The following ARID5B variants were observed in gnomAD, a reference collection of about 807,000 sequenced individuals.
The protein encoded by ARID5B is AT-rich interactive domain-containing protein 5B.
In ARID5B, 13 loss-of-function variants were observed where a neutral mutation model predicts 97.2. The observed-to-expected ratio is 0.13, with a 90% CI of 0.09 to 0.21. The LOEUF (loss-of-function observed/expected upper bound fraction) is 0.21. Ranked by LOEUF, ARID5B falls within the 10% of genes least tolerant of loss-of-function variation. The probability of loss-of-function intolerance (pLI) is 1.00; values close to 1 mark genes in which losing one functional copy is unlikely to be tolerated. For synonymous variants in ARID5B, 556 were observed against 570.3 expected, an observed-to-expected ratio of 0.97 and a Z score of 0.36; for missense variants, 1,210 against 1,465.3, an observed-to-expected ratio of 0.83 and a Z score of 2.84.
At chr10:61,908,558 A>G (rs1188906951) in intron 2 of ARID5B, among the ~76,000 whole-genome samples, 1 of 152,156 alleles carries the variant, frequency 6.6e-6, no homozygotes, top group Non-Finnish European at 1.5e-5. Context: ...CTGTAATCCC[A>G]GCACTTTGAG....
chr10:62,024,031 A>C (rs553285318), intron 4 of ARID5B, among the ~76,000 whole-genome samples: 1 of 152,284 alleles, frequency 6.6e-6, no homozygotes, highest in African/African-American at 2.4e-5. Flanking sequence ...TGATTTCCCT[A>C]GTTTTAAAAT....
Position 61,960,045 on chromosome 10 carries a change from A to G in ARID5B, c.502+19637A>G, listed in dbSNP as rs564155820. ...AACCATTATGCTGTGAAGAAGGAAA[A>G]CAAGGATGATGTGTGTCTACCCGCT... On this transcript the variant is annotated intron_variant, in intron 3 of 9. Transcript: ENST00000279873. Among the ~76,000 whole-genome samples the G allele has an allele frequency of 2.6e-5, 4 of 152,326 alleles. No individual in the cohort carries two copies. The East Asian group carries it at 7.7e-4, about 29-fold the overall frequency.
intron 3 of ARID5B, among the ~76,000 whole-genome samples, chr10:61,956,018 A>G (rs1389469158): frequency 6.6e-6 from 1 of 152,196 alleles, no homozygotes; most frequent in Admixed American, 6.5e-5. Context: ...TTTGTGAGAT[A>G]GTCCCATTAC....
intron 4 of ARID5B, among the ~76,000 whole-genome samples, chr10:62,044,384 T>C (rs1839679327): frequency 6.6e-6 from 1 of 151,050 alleles, no homozygotes; most frequent in Non-Finnish European, 1.5e-5. Context: ...TCTTTTTTTT[T>C]TTTTTTTTTT....
intron 3 of ARID5B, among the ~76,000 whole-genome samples, chr10:61,963,115 C>A (rs1838495191): frequency 6.6e-6 from 1 of 152,108 alleles, no homozygotes; most frequent in Non-Finnish European, 1.5e-5. Context: ...GAGATTAGTC[C>A]TCAATTTGTA....
At chr10:61,994,145 G>A (rs1838965209) in intron 3 of ARID5B, among the ~76,000 whole-genome samples, 1 of 152,040 alleles carries the variant, frequency 6.6e-6, no homozygotes, top group African/African-American at 2.4e-5. Flanking sequence ...AGAACTAAAG[G>A]GCAAAATACT....
intron 4 of ARID5B, among the ~76,000 whole-genome samples, chr10:62,045,073 G>A (rs763841294): frequency 1.2e-4 from 19 of 152,180 alleles, no homozygotes; most frequent in Non-Finnish European, 2.4e-4. Context: ...ACTTATTTAT[G>A]AATTTTTAAA....
At chr10:61,924,975 G>A (rs775833101) in intron 2 of ARID5B, among the ~76,000 whole-genome samples, 3 of 152,048 alleles carry the variant, frequency 2.0e-5, no homozygotes, top group African/African-American at 4.8e-5. Flanking sequence ...AAGCTGAGGC[G>A]GGTGGATCAC....
intron 4 of ARID5B, among the ~76,000 whole-genome samples, chr10:62,021,045 T>TATAC (rs904562748): frequency 7.8e-6 from 1 of 127,686 alleles, no homozygotes; most frequent in African/African-American, 4.0e-5. Flanking sequence ...TATATATATA[T>TATAC]ATATATATAT....
intron 3 of ARID5B, among the ~76,000 whole-genome samples, chr10:61,952,377 T>C (rs1173470816): frequency 7.2e-5 from 11 of 152,242 alleles, no homozygotes; most frequent in Admixed American, 6.5e-4. Context: ...TCTTATCACA[T>C]TTAGTGTCTC....
chr10:62,084,392 C>G (rs1192133340), intron 8 of ARID5B, among the ~76,000 whole-genome samples: 2 of 152,154 alleles, frequency 1.3e-5, no homozygotes, highest in Non-Finnish European at 2.9e-5. Flanking sequence ...TTTAGGATAG[C>G]AAACCAATAT....
chr10:62,013,481 T>A (rs1404866197), intron 4 of ARID5B, among the ~76,000 whole-genome samples: 1 of 152,186 alleles, frequency 6.6e-6, no homozygotes, highest in Non-Finnish European at 1.5e-5. Flanking sequence ...TAGCAATTTT[T>A]AAGAATACAT....
chr10:61,991,418 G>A (rs763670019), intron 3 of ARID5B, among the ~76,000 whole-genome samples: 6 of 152,094 alleles, frequency 3.9e-5, no homozygotes, highest in Admixed American at 1.3e-4. Context: ...ATATCTCACT[G>A]TGGTTTTGCT....
At chr10:62,009,176 G>A (rs1839184583) in intron 4 of ARID5B, among the ~76,000 whole-genome samples, 1 of 152,132 alleles carries the variant, frequency 6.6e-6, no homozygotes, top group Admixed American at 6.6e-5. Flanking sequence ...CCATCATCTG[G>A]GCTTTATGTT....
chr10:62,075,268 T>G (rs893301840), intron 8 of ARID5B, among the ~76,000 whole-genome samples: 1 of 152,234 alleles, frequency 6.6e-6, no homozygotes, highest in Non-Finnish European at 1.5e-5. Flanking sequence ...AGATATTTTT[T>G]TAATGTGAAA....
intron 3 of ARID5B, among the ~76,000 whole-genome samples, chr10:61,976,845 A>G (rs1467759612): frequency 7.3e-6 from 1 of 136,790 alleles, no homozygotes; most frequent in Non-Finnish European, 1.6e-5. Context: ...TTTGTGGGAG[A>G]GAAACTTTCT....
intron 4 of ARID5B, among the ~76,000 whole-genome samples, chr10:62,006,981 C>A (rs554658242): frequency 6.6e-6 from 1 of 152,122 alleles, no homozygotes; most frequent in East Asian, 1.9e-4. Context: ...TTTCACCTAG[C>A]ATTTCATCTA....
chr10:62,011,164 G>C (rs1024017726), intron 4 of ARID5B, among the ~76,000 whole-genome samples: 7 of 152,076 alleles, frequency 4.6e-5, no homozygotes, highest in Non-Finnish European at 1.0e-4. Flanking sequence ...ATAACACACA[G>C]GATTCAGCAG....
intron 8 of ARID5B, among the ~76,000 whole-genome samples, chr10:62,070,285 C>T (rs998194097): frequency 1.3e-5 from 2 of 152,174 alleles, no homozygotes; most frequent in African/African-American, 4.8e-5. Context: ...TCTTACCAAG[C>T]TCTGTGTGGC....
Sources: allele counts gnomAD v4.1 joint callset (sites outside exome capture counted in the v4.1 genomes callset), GRCh38; gene constraint gnomAD v4.1.1; transcripts MANE v1.5; gene names NCBI Gene and HGNC (gene_info 2026-07-23, HGNC 2026-07-21).